SNX2: variants seen among roughly 807,000 people sequenced by gnomAD.
SNX2 encodes sorting nexin-2.
Under a neutral mutation model 69.9 loss-of-function variants are expected in SNX2, and 25 were observed. The ratio of observed to expected loss-of-function variants is 0.36; its 90% CI spans 0.26 to 0.50. SNX2 has a LOEUF of 0.50. SNX2 is among the 20% of genes least tolerant of loss of function. The pLI is 0.97. For synonymous variants in SNX2, 229 were observed against 200.4 expected (o/e 1.14, Z -1.20); for missense variants, 551 against 613.3 (o/e 0.90, Z 1.07).
upstream of SNX2, chr5:122,775,037 C>T (rs1377118335): frequency 3.4e-6 from 5 of 1,450,462 alleles, no homozygotes; most frequent in Non-Finnish European, 4.6e-6. Flanking sequence ...CGGCGCGGGC[C>T]CAGCCGTGCG....
chr5:122,801,750 G>T, intron 3 of SNX2, 119 bp from the exon 4 acceptor site: 3 of 602,384 alleles, frequency 5.0e-6, no homozygotes, highest in East Asian at 3.1e-5. Context: ...TGAAGTGCTG[G>T]GTGGCTAAAT....
chr5:122,814,753 T>TTTTTTTGGTTTTTTTTG (rs11269917), intron 7 of SNX2, among the ~76,000 whole-genome samples: 53,223 of 150,984 alleles, frequency 0.35, 10,070 homozygotes, highest in African/African-American at 0.47. Flanking sequence ...GATAGCAGGT[T>TTTTTTTGGTTTTTTTTG]TTTTTTTGTT....
In SNX2 at chr5:122,803,483, C is replaced by T; in HGVS notation, c.513C>T (p.Ser171=). Residue 171 remains serine, a synonymous_variant, in exon 6 of 15, where the codon TCC becomes TCT. Transcript: ENST00000379516. ...TTCTTCACTTGTAGACATCTCTTTC[C>T]ATGTTCAGTAAGAGTGAATTTTCAG... ...AYRVTTKTSL[S]MFSKSEFSVK... The T allele has an allele frequency of 1.2e-6, 2 of 1,608,162 alleles. No homozygotes were observed. The highest frequency in any genetic ancestry group is 2.2e-5 in the East Asian group (1 of 44,744).
At chr5:122,791,119 A>ATTTTTTTTTTTTTTTTTTTTTTTTTTTTT (rs71623268) in intron 1 of SNX2, among the ~76,000 whole-genome samples, 1 of 131,688 alleles carries the variant, frequency 7.6e-6, no homozygotes. Context: ...GGCTATTTCA[A>ATTTTTTTTTTTTTTTTTTTTTTTTTTTTT]TTTTTTTTTT....
At chr5:122,822,833 A>G (rs1034577809) in intron 11 of SNX2, among the ~76,000 whole-genome samples, 5 of 152,166 alleles carry the variant, frequency 3.3e-5, no homozygotes, top group Non-Finnish European at 7.3e-5. Flanking sequence ...TTCATAAATA[A>G]TTTTTGTAGG....
chr5:122,775,829 A>G, intron 1 of SNX2: 1 of 965,766 alleles, frequency 1.0e-6, no homozygotes, highest in Non-Finnish European at 1.2e-6. Flanking sequence ...TAGTATTTAT[A>G]AAATGTAAAG....
At chr5:122,775,475 C>G (rs972103729) in intron 1 of SNX2, 2 of 1,156,196 alleles carry the variant, frequency 1.7e-6, no homozygotes, top group Non-Finnish European at 2.1e-6. Context: ...TGCAGCGGCG[C>G]TTTCCCAGCT....
intron 6 of SNX2, among the ~76,000 whole-genome samples, chr5:122,807,581 C>A (rs931635820): frequency 1.3e-5 from 2 of 152,110 alleles, no homozygotes. Context: ...TATATCAATA[C>A]CTTGTTTCCA....
intron 12 of SNX2, chr5:122,826,757 T>G: frequency 2.7e-6 from 1 of 371,894 alleles, no homozygotes; most frequent in Non-Finnish European, 3.7e-6. Flanking sequence ...TGCTTAAATC[T>G]TCAGTTATTT....
chr5:122,827,399 A>C lies in SNX2; in HGVS notation c.1377A>C (p.Gln459His), dbSNP rs779659679. 5.6e-6 allele frequency: 9 copies of C among 1,613,356 alleles called. No homozygotes were observed. Among genetic ancestry groups the C allele is most frequent in the Non-Finnish European group, 5.9e-6 (7 of 1,179,596 alleles). ...ATTAGTGGGAGGCGAAAGTGCAACA[A>C]GGGGAAAGAGATTTTGAACAGATAT... ...EIREWEAKVQ[Q>H]GERDFEQISK... The change falls in exon 13 of 15, where the codon CAA becomes CAC. Residue 459 changes from glutamine (Q) to histidine (H), a missense_variant. Gln to His is a conservative substitution (Grantham distance 24, BLOSUM62 0). Transcript: ENST00000379516.
Position 122,801,852 on chromosome 5 carries a change from TA to T in SNX2, c.391-15del. ...AATTATAATTTTTAATGCCAAAAAA[TA>T]ATTTATACTTTCTAGATTGAAGAAG... On this transcript the variant is annotated splice_polypyrimidine_tract_variant and intron_variant, in intron 3 of 14. Coordinates refer to ENST00000379516, the MANE Select transcript of SNX2 (RefSeq NM_003100.4). 6.8e-7 allele frequency: 1 copy of T among 1,466,642 alleles called. No individual in the cohort carries two copies. The highest frequency in any genetic ancestry group is 9.4e-7 in the Non-Finnish European group (1 of 1,064,650). 90.9% of individuals were successfully genotyped at this position (1,466,642 alleles called of 1,614,324 possible). A position where few individuals can be genotyped will look rare whatever the true frequency, so the allele number is the denominator to read the frequency against.
intron 7 of SNX2, 43 bp from the exon 8 acceptor site, chr5:122,815,853 C>A: frequency 2.9e-6 from 3 of 1,040,404 alleles, no homozygotes; most frequent in South Asian, 3.2e-5. Context: ...AACTGTAATT[C>A]AAGATGCTAC....
At chr5:122,803,337 T>C (rs1417000527) in intron 5 of SNX2, 135 bp from the exon 6 acceptor site, 1 of 738,998 alleles carries the variant, frequency 1.4e-6, no homozygotes, top group African/African-American at 1.8e-5. Context: ...TAGAAACCTA[T>C]ATACCACATT....
At chr5:122,790,870 G>A (rs1420306080) in intron 1 of SNX2, among the ~76,000 whole-genome samples, 1 of 152,020 alleles carries the variant, frequency 6.6e-6, no homozygotes, top group African/African-American at 2.4e-5. Flanking sequence ...TTGTCTTTTT[G>A]CATGCAGCTA....
chr5:122,808,132 T>G lies in SNX2; in HGVS notation c.644-145T>G, dbSNP rs1753694779. The G allele has an allele frequency of 9.7e-6, 5 of 513,582 alleles. No homozygotes were observed. The South Asian group carries it at 1.4e-4, about 14-fold the overall frequency. 31.8% of individuals were successfully genotyped at this position (513,582 alleles called of 1,614,324 possible). Reference sequence around the variant, plus strand: ...CATGAGATTTAATTCCTCAAAACGTTTTTGCTTTTTAGATAAGATACCAGT... The same window carrying G: ...CATGAGATTTAATTCCTCAAAACGTGTTTGCTTTTTAGATAAGATACCAGT... On this transcript the variant is annotated intron_variant, in intron 6 of 14. Coordinates refer to ENST00000379516, the MANE Select transcript of SNX2 (RefSeq NM_003100.4).
At chr5:122,804,854 A>G (rs1753601279) in intron 6 of SNX2, among the ~76,000 whole-genome samples, 1 of 152,056 alleles carries the variant, frequency 6.6e-6, no homozygotes, top group Non-Finnish European at 1.5e-5. Context: ...TAAAGTAATT[A>G]TCTTCTCTGT....
chr5:122,823,077 A>C (rs1754059743), intron 11 of SNX2, among the ~76,000 whole-genome samples: 1 of 152,174 alleles, frequency 6.6e-6, no homozygotes, highest in Admixed American at 6.5e-5. Context: ...AATCTTGTCT[A>C]ACTGAGAGCA....
chr5:122,806,169 G>C (rs66635808), intron 6 of SNX2, among the ~76,000 whole-genome samples: 49,025 of 135,206 alleles, frequency 0.36, 9,292 homozygotes, highest in African/African-American at 0.47. Context: ...CACACACACA[G>C]CCCACCATTC....
In SNX2 at chr5:122,829,668, A is replaced by G. The variant is rs756498424; in HGVS notation, c.*20A>G. 1 of 1,607,564 alleles carries G rather than the reference A, an allele frequency of 6.2e-7. No individual in the cohort carries two copies. Among genetic ancestry groups the G allele is most frequent in the Non-Finnish European group, 8.5e-7 (1 of 1,174,094 alleles). ...GCCTAGCAATAAGATTGTTGCCGTT[A>G]AGAAGACCTTGGATGTTGTTCCAGT... On this transcript the variant is annotated 3_prime_UTR_variant, in exon 15 of 15. Transcript: ENST00000379516.
Sources: allele counts gnomAD v4.1 joint callset (sites outside exome capture counted in the v4.1 genomes callset), GRCh38; gene constraint gnomAD v4.1.1; transcripts MANE v1.5; gene names NCBI Gene and HGNC (gene_info 2026-07-23, HGNC 2026-07-21).